The following CCHCR1 variants were observed in gnomAD, a reference collection of about 807,000 sequenced individuals.
CCHCR1 encodes the protein HCR (a-helix coiled-coil rod homologue).
Under a neutral mutation model 114.6 loss-of-function variants are expected in CCHCR1, and 91 were observed. The ratio of observed to expected loss-of-function variants is 0.79; its 90% confidence interval spans 0.67 to 0.94. The LOEUF (loss-of-function observed/expected upper bound fraction) is 0.94. CCHCR1 is among the 40% of genes least tolerant of loss of function. The pLI, the probability that CCHCR1 is intolerant of heterozygous loss-of-function variation, is 0.00. For missense variants in CCHCR1, 899 were observed against 1,079.9 expected, an observed-to-expected ratio of 0.83 and a Z score of 2.35; for synonymous variants, 379 against 428.5, an observed-to-expected ratio of 0.88 and a Z score of 1.43.
chr6:31,142,485 G>C lies in CCHCR1; in HGVS notation c.*107C>G. The stretch of plus-strand genomic sequence containing the variant: ...TTAGAGCAGAATTCAGACTCAGCTG[G>C]TATCCCCCAGGGCAACCCCAGGATG... On this transcript the variant is annotated 3_prime_UTR_variant, in exon 18 of 18. Coordinates refer to ENST00000396268, the MANE Select transcript of CCHCR1 (RefSeq NM_001105564.2). 2 of 981,912 alleles carry C rather than the reference G, an allele frequency of 2.0e-6. No homozygotes were observed. The highest frequency in any genetic ancestry group is 3.1e-5 in the South Asian group (2 of 63,744). The allele number at this position is 981,912 out of a possible 1,614,324, so 60.8% of individuals were successfully genotyped here.
chr6:31,156,331 G>T (rs1776002121), intron 3 of CCHCR1: 1 of 217,158 alleles, frequency 4.6e-6, no homozygotes, highest in African/African-American at 2.3e-5. Flanking sequence ...TAATACGACA[G>T]CATGGCCAGC....
chr6:31,142,513 G>A lies in CCHCR1; in HGVS notation c.*79C>T. 8 of 1,414,264 alleles carry A rather than the reference G, an allele frequency of 5.7e-6. No individual in the cohort carries two copies. The highest frequency in any genetic ancestry group is 7.8e-6 in the Non-Finnish European group (8 of 1,030,562). The allele number at this position is 1,414,264 out of a possible 1,614,324, so 87.6% of individuals were successfully genotyped here. The stretch of plus-strand genomic sequence containing the variant: ...TCCCCCAGGGCAACCCCAGGATGGG[G>A]AAGGGCTGGTCTGTCCCCACCCACT... On this transcript the variant is annotated 3_prime_UTR_variant, in exon 18 of 18. Transcript: ENST00000396268.
At position 31,156,820 on chromosome 6, in the gene CCHCR1, T is replaced by C; in HGVS notation, c.408A>G (p.Ser136=). Residue 136 remains serine, a synonymous_variant, in exon 3 of 18, where the codon TCA becomes TCG. Transcript: ENST00000396268. The part of the protein sequence containing the change: ...LVQPPGHQDV[S]ERRLDTQRPQ... ...GTCTCTGGGTGTCTAGCCGCCTCTC[T>C]GAGACATCTTGATGGCCTGGGGGTT... 6.2e-7 allele frequency: 1 copy of C among 1,612,716 alleles called. No individual in the cohort carries two copies. Among genetic ancestry groups the C allele is most frequent in the Non-Finnish European group, 8.5e-7 (1 of 1,179,802 alleles).
At position 31,143,066 on chromosome 6, in the gene CCHCR1, G is replaced by A. The variant is rs1773770169; in HGVS notation, c.2388C>T (p.Ser796=). The change falls in exon 17 of 18, where the codon TCC becomes TCT. Residue 796 remains serine (S), a synonymous_variant. Coordinates refer to ENST00000396268, the MANE Select transcript of CCHCR1 (RefSeq NM_001105564.2). The surrounding 1 kb of genome is among the most constrained non-coding windows in gnomAD (Gnocchi z 5.3). ...CCACAGATTTCTTCTTATCCAGTAGGGAAGGAAGAACTGTCAACAGTCGCT... is the reference window on the plus strand; with the variant it reads ...CCACAGATTTCTTCTTATCCAGTAGAGAAGGAAGAACTGTCAACAGTCGCT... The part of the protein sequence containing the change: ...KQQRLLTVLP[S]LLDKKKSVVS... The A allele has an allele frequency of 6.2e-7, 1 of 1,612,920 alleles. No individual in the cohort carries two copies. Among genetic ancestry groups the A allele is most frequent in the South Asian group, 1.1e-5 (1 of 91,082 alleles).
Position 31,150,171 on chromosome 6 carries a change from G to T in CCHCR1, c.1257C>A (p.Cys419Ter). Residue 419 changes from cysteine (C) to a stop codon, truncating the protein, a stop_gained, in exon 8 of 18, where the codon TGC becomes TGA. Transcript: ENST00000396268. LOFTEE classifies it high-confidence loss of function. The surrounding 1 kb of genome is among the most constrained non-coding windows in gnomAD (Gnocchi z 5.3). Reference protein sequence around the residue: ...DSLEPEFTRKCQSLLNRWREK... With the variant: ...DSLEPEFTRK ...CCCGCCAGCGGTTCAGCAGGGACTG[G>T]CACTTCCTGGTAAACTCAGGCTCCA... 1 of 1,614,212 alleles carries T rather than the reference G, an allele frequency of 6.2e-7. No homozygotes were observed. Among genetic ancestry groups the T allele is most frequent in the Non-Finnish European group, 8.5e-7 (1 of 1,180,036 alleles).
At position 31,144,264 on chromosome 6, in the gene CCHCR1, G is replaced by A. The variant is rs1396972364; in HGVS notation, c.2167+423C>T. Among the ~76,000 whole-genome samples the A allele has an allele frequency of 6.6e-6, 1 of 152,022 alleles. No homozygotes were observed. The highest frequency in any genetic ancestry group is 1.9e-4 in the East Asian group (1 of 5,172). ...GCTTGAGTGCAGTGGCACAATCTTG[G>A]CTCACTGCAGCCTCGACCTCCCGGG... On this transcript the variant is annotated intron_variant, in intron 15 of 17. Transcript: ENST00000396268. This position sits in a 1 kb window ranked among gnomAD's most constrained non-coding sequence, Gnocchi z 4.6.
rs578110730 is a variant in CCHCR1, at chr6:31,152,691, G to T, written c.802-1569C>A. Reference sequence around the variant, plus strand: ...GGGTCTCGCTTTGTTGCCCAGGCTGGTCTCAAACTCCTGGGCTCAAATGAT... The same window carrying T: ...GGGTCTCGCTTTGTTGCCCAGGCTGTTCTCAAACTCCTGGGCTCAAATGAT... On this transcript the variant is annotated intron_variant, in intron 4 of 17. Coordinates refer to ENST00000396268, the MANE Select transcript of CCHCR1 (RefSeq NM_001105564.2). Among the ~76,000 whole-genome samples the T allele has an allele frequency of 3.5e-4, 53 of 152,230 alleles. No homozygotes were observed. In the South Asian group the frequency reaches 8.7e-3, roughly 25 times the overall value.
chr6:31,151,180 T>A lies in CCHCR1; in HGVS notation c.802-58A>T, dbSNP rs1350634070. ...CGACCCCACATGGAGGCCTTCCTTG[T>A]TCCCTTCACTCCCACTTTCTGTGAC... On this transcript the variant is annotated intron_variant, in intron 4 of 17. Coordinates refer to ENST00000396268, the MANE Select transcript of CCHCR1 (RefSeq NM_001105564.2). The surrounding 1 kb of genome is among the most constrained non-coding windows in gnomAD (Gnocchi z 4.1). 1.3e-6 allele frequency: 2 copies of A among 1,536,824 alleles called. No individual in the cohort carries two copies. Among genetic ancestry groups the A allele is most frequent in the South Asian group, 1.2e-5 (1 of 81,446 alleles).
Position 31,154,513 on chromosome 6 carries a change from T to C in CCHCR1, c.784A>G (p.Arg262Gly). Residue 262 changes from arginine (R) to glycine (G), a missense_variant, in exon 4 of 18, where the codon AGG (arginine) becomes GGG (glycine). By Grantham distance (125) the Arg-to-Gly change is moderately radical (BLOSUM62 -2). Transcript: ENST00000396268. The surrounding 1 kb of genome is among the most constrained non-coding windows in gnomAD (Gnocchi z 4.1). Reference protein sequence around the residue: ...GSQRELEEVQRLHQEQLSSLT... With the variant: ...GSQRELEEVQGLHQEQLSSLT... Reference sequence around the variant, plus strand: ...GCATTCACCTGCTCTTGGTGCAGCCTCTGAACCTCTTCCAGCTCCCGCTGG... The same window carrying C: ...GCATTCACCTGCTCTTGGTGCAGCCCCTGAACCTCTTCCAGCTCCCGCTGG... 1 of 1,612,046 alleles carries C rather than the reference T, an allele frequency of 6.2e-7. No individual in the cohort carries two copies. The highest frequency in any genetic ancestry group is 8.5e-7 in the Non-Finnish European group (1 of 1,179,168).
chr6:31,148,861 C>CCCCAG, intron 8 of CCHCR1, 133 bp from the exon 9 acceptor site: 1 of 27,462 alleles, frequency 3.6e-5, no homozygotes, highest in African/African-American at 1.5e-4. Flanking sequence ...GGGCGGGCGA[C>CCCCAG]GGGGGTGGGT....
chr6:31,147,566 G>A (rs1197174272), intron 10 of CCHCR1, among the ~76,000 whole-genome samples: 2 of 152,172 alleles, frequency 1.3e-5, no homozygotes, highest in Non-Finnish European at 2.9e-5. Flanking sequence ...GTTGGTAGGA[G>A]AGACAAAGGC....
intron 4 of CCHCR1, among the ~76,000 whole-genome samples, chr6:31,153,373 A>G (rs1775528310): frequency 6.6e-6 from 1 of 151,964 alleles, no homozygotes; most frequent in South Asian, 2.1e-4. Context: ...CACATTTTAT[A>G]TTAGGGATAT....
At position 31,145,269 on chromosome 6, in the gene CCHCR1, GCT is replaced by G. The variant is rs777233477; in HGVS notation, c.1771_1772del (p.Ser591ProfsTer2). ...CTTCCCGCAACTGCTGCAACTCAAG[GCT>G]CACGTCTGTGACCGGTGGTGGTAGG... The part of the protein sequence containing the change: ...CPLPPPVTDV[S>X]LELQQLREER... On this transcript the variant is annotated frameshift_variant, in exon 13 of 18. Coordinates refer to ENST00000396268, the MANE Select transcript of CCHCR1 (RefSeq NM_001105564.2). LOFTEE classifies it high-confidence loss of function. The G allele has an allele frequency of 6.2e-7, 1 of 1,614,048 alleles. No individual in the cohort carries two copies. The highest frequency in any genetic ancestry group is 8.5e-7 in the Non-Finnish European group (1 of 1,179,988).
chr6:31,155,096 G>A (rs1048639905), intron 3 of CCHCR1, among the ~76,000 whole-genome samples: 13 of 152,136 alleles, frequency 8.5e-5, no homozygotes, highest in African/African-American at 3.1e-4. Context: ...CATCAAATGT[G>A]TATATCATTA....
Position 31,157,734 on chromosome 6 carries a change from G to C in CCHCR1, c.-134C>G. The C allele has an allele frequency of 1.4e-6, 1 of 693,086 alleles. No homozygotes were observed. The highest frequency in any genetic ancestry group is 2.4e-6 in the Non-Finnish European group (1 of 417,528). 42.9% of individuals were successfully genotyped at this position (693,086 alleles called of 1,614,324 possible). ...TCAGCTTCTCTCTACTATCCCCTTAGCTTCCATGCCTGCTGCCCGCCTCCT... is the reference window on the plus strand; with the variant it reads ...TCAGCTTCTCTCTACTATCCCCTTACCTTCCATGCCTGCTGCCCGCCTCCT... On this transcript the variant is annotated 5_prime_UTR_variant, in exon 1 of 18. Transcript: ENST00000396268.
intron 3 of CCHCR1, chr6:31,156,217 T>C (rs980844506): frequency 1.3e-5 from 2 of 153,970 alleles, no homozygotes; most frequent in African/African-American, 4.8e-5. Context: ...TTCTTCATCA[T>C]GCTGCTTCTT....
intron 10 of CCHCR1, among the ~76,000 whole-genome samples, chr6:31,148,067 C>T (rs559341375): frequency 1.3e-5 from 2 of 152,144 alleles, no homozygotes; most frequent in Non-Finnish European, 2.9e-5. Flanking sequence ...GAAGTGTCTA[C>T]ACTCTCCATC....
intron 4 of CCHCR1, among the ~76,000 whole-genome samples, chr6:31,152,897 T>G (rs1423985578): frequency 6.6e-6 from 1 of 152,200 alleles, no homozygotes; most frequent in Non-Finnish European, 1.5e-5. Flanking sequence ...TCTGGCCTCC[T>G]GTCCCCGCCT....
At position 31,150,111 on chromosome 6, in the gene CCHCR1, G is replaced by A; in HGVS notation, c.1317C>T (p.Ala439=). ...KVFALMVQLK[A]QELEHSDSVK... The stretch of plus-strand genomic sequence containing the variant: ...CAGAGTCACTGTGTTCCAGCTCCTG[G>A]GCCTTTAGCTGCACCATGAGGGCAA... Residue 439 remains alanine (A), a synonymous_variant, in exon 8 of 18, where the codon GCC becomes GCT. Transcript: ENST00000396268. The surrounding 1 kb of genome is among the most constrained non-coding windows in gnomAD (Gnocchi z 5.3). 6.2e-7 allele frequency: 1 copy of A among 1,614,146 alleles called. No individual in the cohort carries two copies. Among genetic ancestry groups the A allele is most frequent in the Non-Finnish European group, 8.5e-7 (1 of 1,180,014 alleles).
Sources: gnomAD v4.1 joint callset for allele counts (sites outside exome capture counted in the v4.1 genomes callset) on GRCh38, gnomAD v4.1.1 for gene constraint, Gnocchi (gnomAD v3.1) non-coding constraint, MANE v1.5 for transcripts, NCBI Gene and HGNC (gene_info 2026-07-23, HGNC 2026-07-21) for gene names.